Variants in LNPK observed in about 807,000 individuals in gnomAD.
LNPK encodes lunapark, ER junction formation factor, also known as endoplasmic reticulum junction formation protein lunapark.
A neutral mutation model predicts 55.2 loss-of-function variants in LNPK; 29 were observed. The ratio of observed to expected loss-of-function variants is 0.53; its 90% CI spans 0.39 to 0.72. LNPK has a LOEUF of 0.72. Among genes scored for constraint, LNPK ranks in the 30% least tolerant of loss-of-function variants. LNPK has a pLI of 0.00. For missense variants in LNPK, 467 were observed against 494.8 expected (o/e 0.94, Z 0.53); for synonymous variants, 162 against 168.2 (o/e 0.96, Z 0.29).
rs1412832285 is a variant in LNPK, at chr2:175,979,841, A to T, written c.285T>A (p.Ile95=). Residue 95 remains isoleucine, a synonymous_variant, in exon 5 of 13, where the codon ATT becomes ATA. Transcript: ENST00000272748. ...LIIWSIRTVI[I]FFFSKRTERN... ...TTTCTGTTCTCTTGGAAAAGAAGAAAATAATTACTGTTCTTATGCTCCAGA... is the reference window on the plus strand; with the variant it reads ...TTTCTGTTCTCTTGGAAAAGAAGAATATAATTACTGTTCTTATGCTCCAGA... The T allele has an allele frequency of 6.3e-7, 1 of 1,584,194 alleles. No homozygotes were observed. Among genetic ancestry groups the T allele is most frequent in the Non-Finnish European group, 8.6e-7 (1 of 1,167,500 alleles).
chr2:175,977,779 T>G (rs1686977921), intron 5 of LNPK, among the ~76,000 whole-genome samples: 1 of 152,168 alleles, frequency 6.6e-6, no homozygotes, highest in Non-Finnish European at 1.5e-5. Context: ...TTTAAAAAAT[T>G]TTTGTTTTGA....
At position 175,934,018 on chromosome 2, in the gene LNPK, G is replaced by A. The variant is rs532293106; in HGVS notation, c.1054+3326C>T. 7.2e-5 allele frequency among the ~76,000 whole-genome samples: 11 copies of A among 152,276 alleles called. No individual in the cohort carries two copies. In the East Asian group the frequency reaches 9.6e-4, roughly 13 times the overall value. ...GCTGGGATTACAGGCGTGAGCCACC[G>A]TGCCTGGCCAAGAGTTTAATTATTA... On this transcript the variant is annotated intron_variant, in intron 12 of 12. Coordinates refer to ENST00000272748, the MANE Select transcript of LNPK (RefSeq NM_030650.3).
chr2:176,001,800 G>C (rs1243416652), intron 1 of LNPK, among the ~76,000 whole-genome samples: 1 of 152,050 alleles, frequency 6.6e-6, no homozygotes, highest in Non-Finnish European at 1.5e-5. Context: ...CACCTGTGTC[G>C]AGATAAGCTC....
Position 175,970,808 on chromosome 2 carries a change from G to T in LNPK, c.317-4C>A. The T allele has an allele frequency of 7.1e-7, 1 of 1,406,944 alleles. No homozygotes were observed. The highest frequency in any genetic ancestry group is 9.5e-7 in the Non-Finnish European group (1 of 1,054,532). 87.2% of individuals were successfully genotyped at this position (1,406,944 alleles called of 1,614,324 possible). A position where few individuals can be genotyped will look rare whatever the true frequency, so the allele number is the denominator to read the frequency against. On this transcript the variant is annotated splice_polypyrimidine_tract_variant and splice_region_variant and intron_variant, in intron 5 of 12. Coordinates refer to ENST00000272748, the MANE Select transcript of LNPK (RefSeq NM_030650.3). ...TTTAAATCATCCAATGCTTCATCTA[G>T]AAAGCAAGATTTAAATCAAAGATTA... is the stretch of plus-strand genomic sequence containing the variant.
At chr2:175,993,747 C>G (rs1028284152) in intron 2 of LNPK, among the ~76,000 whole-genome samples, 1 of 151,664 alleles carries the variant, frequency 6.6e-6, no homozygotes, top group African/African-American at 2.4e-5. Flanking sequence ...GAGCCGAGAT[C>G]GCACCACTGC....
At chr2:176,002,532 T>C (rs1688211647), upstream of LNPK, 1 of 201,050 alleles carries the variant, frequency 5.0e-6, no homozygotes, top group African/African-American at 2.4e-5. Flanking sequence ...CCTCCTTTGC[T>C]TTTAAAGCCT....
rs1223472709 is a variant in LNPK at position 175,964,607 on chromosome 2, C to T, written c.358-18G>A. ...TCTTCAAGCTACGAACAAAAATTTC[C>T]ATAAATTGTCACACTTCAAAACACA... On this transcript the variant is annotated intron_variant, in intron 6 of 12. Transcript: ENST00000272748. The T allele has an allele frequency of 1.8e-5, 25 of 1,407,346 alleles. No homozygotes were observed. Among genetic ancestry groups the T allele is most frequent in the Non-Finnish European group, 2.4e-5 (24 of 994,484 alleles). 87.2% of individuals were successfully genotyped at this position (1,407,346 alleles called of 1,614,324 possible). A position where few individuals can be genotyped will look rare whatever the true frequency, so the allele number is the denominator to read the frequency against.
chr2:175,988,512 CA>C (rs575414400), intron 4 of LNPK, among the ~76,000 whole-genome samples: 377 of 58,734 alleles, frequency 6.4e-3, no homozygotes, highest in Non-Finnish European at 7.2e-3. Flanking sequence ...ACTCTGTCTC[CA>C]AAAAAAAAAA....
chr2:175,967,827 G>A (rs1020583948), intron 6 of LNPK: 57 of 835,778 alleles, frequency 6.8e-5, no homozygotes, highest in Non-Finnish European at 7.6e-5. Flanking sequence ...CAAACACTGG[G>A]AAAAGCCAGA....
chr2:175,940,957 C>T (rs761064628), intron 9 of LNPK: 5 of 454,062 alleles, frequency 1.1e-5, no homozygotes, highest in African/African-American at 4.0e-5. Flanking sequence ...AGAAACCATA[C>T]AAAATGACAA....
intron 9 of LNPK, among the ~76,000 whole-genome samples, chr2:175,941,790 C>CAAAAAAAAAAAAAAA (rs59162981): frequency 5.6e-4 from 29 of 51,802 alleles, no homozygotes; most frequent in South Asian, 9.0e-4. Flanking sequence ...GATTCCATCT[C>CAAAAAAAAAAAAAAA]AAAAAAAAAA....
At chr2:175,979,917 G>A (rs747677926) in intron 4 of LNPK, 49 bp from the exon 5 acceptor site, 19 of 1,462,320 alleles carry the variant, frequency 1.3e-5, no homozygotes, top group East Asian at 2.3e-5. Flanking sequence ...TAGAAAAAGC[G>A]AATTAGAAGC....
At chr2:175,963,718 A>T (rs1422401548) in intron 8 of LNPK, among the ~76,000 whole-genome samples, 2 of 151,806 alleles carry the variant, frequency 1.3e-5, no homozygotes, top group African/African-American at 4.8e-5. Flanking sequence ...AAATTAATTA[A>T]TTAAAAAAAA....
intron 12 of LNPK, 76 bp from the exon 13 acceptor site, chr2:175,930,275 A>AACAC (rs35338571): frequency 0.016 from 10,357 of 657,952 alleles, 38 homozygotes; most frequent in African/African-American, 0.02. Context: ...AAAAAAGATA[A>AACAC]ACACACACAC....
chr2:175,956,034 C>T (rs530741899), intron 8 of LNPK, among the ~76,000 whole-genome samples: 1 of 152,110 alleles, frequency 6.6e-6, no homozygotes, highest in Non-Finnish European at 1.5e-5. Flanking sequence ...AATTCTAGCA[C>T]TTTGGGAGGC....
rs191814441 is a variant in LNPK, at chr2:175,929,539, A to G, written c.*428T>C. The G allele has an allele frequency of 1.6e-5, 16 of 992,678 alleles. No individual in the cohort carries two copies. The highest frequency in any genetic ancestry group is 5.2e-4 in the Middle Eastern group (1 of 1,930). 61.5% of individuals were successfully genotyped at this position (992,678 alleles called of 1,614,324 possible). A position where few individuals can be genotyped will look rare whatever the true frequency, so the allele number is the denominator to read the frequency against. ...TATCTCAGGAGCTAAAATTCTATCA[A>G]TTTTTAATAATGAAGTAGTCAAAAT... On this transcript the variant is annotated 3_prime_UTR_variant, in exon 13 of 13. Transcript: ENST00000272748.
intron 5 of LNPK, among the ~76,000 whole-genome samples, chr2:175,972,337 T>A (rs556339861): frequency 5.6e-4 from 85 of 152,272 alleles, no homozygotes; most frequent in African/African-American, 1.7e-3. Context: ...ATTTTTTTTT[T>A]AATTTTGGAA....
At chr2:175,976,542 A>G (rs902336407) in intron 5 of LNPK, among the ~76,000 whole-genome samples, 3 of 152,168 alleles carry the variant, frequency 2.0e-5, no homozygotes, top group Admixed American at 6.5e-5. Context: ...TAGCATTTCA[A>G]TCAGTACACT....
chr2:175,948,330 G>C (rs191827476), intron 8 of LNPK, among the ~76,000 whole-genome samples: 24 of 152,320 alleles, frequency 1.6e-4, no homozygotes, highest in African/African-American at 2.4e-4. Context: ...CTCTGTAACA[G>C]GGGTCAGCAA....
Sources: gnomAD v4.1 joint callset for allele counts (sites outside exome capture counted in the v4.1 genomes callset) on GRCh38, gnomAD v4.1.1 for gene constraint, MANE v1.5 for transcripts, NCBI Gene and HGNC (gene_info 2026-07-23, HGNC 2026-07-21) for gene names.